The following TOM1L2 variants were observed in gnomAD, a reference collection of about 807,000 sequenced individuals.
TOM1L2 encodes the protein TOM1-like protein 2.
TOM1L2 carries 31 observed loss-of-function variants against 67.9 expected under a neutral mutation model. That is an observed-to-expected ratio of 0.46 (90% CI 0.34 to 0.62). The LOEUF is 0.62. Among genes scored for constraint, TOM1L2 ranks in the 20% least tolerant of loss-of-function variants. The pLI, the probability that TOM1L2 is intolerant of heterozygous loss-of-function variation, is 0.01. For missense variants in TOM1L2, 606 were observed against 663.5 expected, an observed-to-expected ratio of 0.91 and a Z score of 0.95; for synonymous variants, 256 against 254.0, an observed-to-expected ratio of 1.01 and a Z score of -0.07.
intron 1 of TOM1L2, among the ~76,000 whole-genome samples, chr17:17,952,566 A>C (rs2041257944): frequency 6.6e-6 from 1 of 150,934 alleles, no homozygotes; most frequent in Admixed American, 6.6e-5. Flanking sequence ...TAAGTTTTTA[A>C]ATATTCTTTG....
At chr17:17,934,184 G>A (rs1326837901) in intron 1 of TOM1L2, among the ~76,000 whole-genome samples, 1 of 152,164 alleles carries the variant, frequency 6.6e-6, no homozygotes, top group Non-Finnish European at 1.5e-5. Context: ...TTTTCAAAGT[G>A]CTCCAATCCC....
At chr17:17,893,572 C>A in intron 4 of TOM1L2, 89 bp downstream of exon 4, 1 of 1,189,238 alleles carries the variant, frequency 8.4e-7, no homozygotes, top group South Asian at 1.9e-5. Flanking sequence ...TTTTTTTTTT[C>A]CTCCAAATGG....
intron 1 of TOM1L2, among the ~76,000 whole-genome samples, chr17:17,912,963 C>T (rs1020008749): frequency 2.6e-4 from 39 of 152,334 alleles, no homozygotes; most frequent in African/African-American, 8.9e-4. Context: ...GCTGGCGGAT[C>T]GCTCGCGGTT....
At chr17:17,905,737 C>T (rs2039063839) in intron 2 of TOM1L2, among the ~76,000 whole-genome samples, 1 of 152,076 alleles carries the variant, frequency 6.6e-6, no homozygotes, top group Admixed American at 6.6e-5. Context: ...CTTGGCCTGC[C>T]CCCAGTCAGG....
intron 1 of TOM1L2, among the ~76,000 whole-genome samples, chr17:17,920,290 C>T (rs889633465): frequency 4.1e-5 from 6 of 148,006 alleles, no homozygotes; most frequent in African/African-American, 7.5e-5. Flanking sequence ...AAAGATAGAA[C>T]AGAGTTCTCA....
chr17:17,889,157 G>A (rs894741729), intron 4 of TOM1L2, among the ~76,000 whole-genome samples: 3 of 152,176 alleles, frequency 2.0e-5, no homozygotes, highest in South Asian at 2.1e-4. Flanking sequence ...GTCTTTTGGC[G>A]GGTTGAGGGG....
At chr17:17,898,748 A>G in intron 2 of TOM1L2, 74 bp from the exon 3 acceptor site, 10 of 1,449,710 alleles carry the variant, frequency 6.9e-6, no homozygotes, top group Non-Finnish European at 7.7e-6. Flanking sequence ...TATGTGAACT[A>G]GTATATATGC....
At chr17:17,865,869 C>T (rs1598211761) in intron 10 of TOM1L2, among the ~76,000 whole-genome samples, 3 of 151,188 alleles carry the variant, frequency 2.0e-5, no homozygotes, top group South Asian at 2.1e-4. Flanking sequence ...CGCAGCCTCC[C>T]GAGTAGTTGG....
intron 5 of TOM1L2, 87 bp from the exon 6 acceptor site, chr17:17,882,950 C>T (rs1383689266): frequency 3.3e-6 from 5 of 1,504,228 alleles, no homozygotes; most frequent in Non-Finnish European, 4.6e-6. Flanking sequence ...GCAGCACTTC[C>T]CCAAGGCTGC....
At chr17:17,854,529 A>G (rs2036161980) in intron 12 of TOM1L2, among the ~76,000 whole-genome samples, 1 of 151,610 alleles carries the variant, frequency 6.6e-6, no homozygotes, top group Non-Finnish European at 1.5e-5. Context: ...TTATTTAATT[A>G]ATTAATTTAT....
chr17:17,850,786 G>C, intron 13 of TOM1L2, 107 bp downstream of exon 13: 6 of 1,236,932 alleles, frequency 4.9e-6, no homozygotes, highest in Non-Finnish European at 7.1e-6. Context: ...CTTCTCCACT[G>C]ACCCAGACAG....
intron 12 of TOM1L2, among the ~76,000 whole-genome samples, chr17:17,856,541 G>A (rs1046140362): frequency 2.0e-5 from 3 of 152,238 alleles, no homozygotes; most frequent in Non-Finnish European, 4.4e-5. Flanking sequence ...TCAAGCAGGT[G>A]GACCCTGTGC....
intron 4 of TOM1L2, among the ~76,000 whole-genome samples, chr17:17,885,474 G>A (rs2037947025): frequency 1.3e-5 from 2 of 152,170 alleles, no homozygotes; most frequent in Admixed American, 6.5e-5. Context: ...CATGATGTCC[G>A]CTGCCAAAAA....
intron 14 of TOM1L2, among the ~76,000 whole-genome samples, chr17:17,848,598 T>C (rs933530514): frequency 6.6e-6 from 1 of 152,250 alleles, no homozygotes; most frequent in African/African-American, 2.4e-5. Context: ...CTTTGTGGAA[T>C]TGACATGTTC....
intron 1 of TOM1L2, among the ~76,000 whole-genome samples, chr17:17,926,524 C>T (rs149516604): frequency 5.3e-5 from 8 of 152,234 alleles, no homozygotes; most frequent in East Asian, 1.9e-4. Context: ...AGAAAGGTCA[C>T]GAATATCAAC....
intron 14 of TOM1L2, 73 bp from the exon 15 acceptor site, chr17:17,847,856 C>T: frequency 6.3e-7 from 1 of 1,599,466 alleles, no homozygotes; most frequent in Admixed American, 1.7e-5. Context: ...CCTTCCACTC[C>T]CCAGCCCGTT....
At chr17:17,956,663 G>A (rs935670057) in intron 1 of TOM1L2, among the ~76,000 whole-genome samples, 2 of 152,246 alleles carry the variant, frequency 1.3e-5, no homozygotes, top group African/African-American at 4.8e-5. Flanking sequence ...GACCCGGCGA[G>A]AATTCCAGCA....
intron 1 of TOM1L2, among the ~76,000 whole-genome samples, chr17:17,950,947 T>C (rs867732553): frequency 1.3e-5 from 2 of 152,276 alleles, no homozygotes; most frequent in Middle Eastern, 3.4e-3. Context: ...TGGTGGCCTA[T>C]GGGCAGGGAG....
At chr17:17,967,347 A>G (rs2041909712) in intron 1 of TOM1L2, among the ~76,000 whole-genome samples, 1 of 152,188 alleles carries the variant, frequency 6.6e-6, no homozygotes, top group Non-Finnish European at 1.5e-5. Context: ...TTTGAATCTA[A>G]ACTTTACTCT....
Sources: allele counts gnomAD v4.1 joint callset (sites outside exome capture counted in the v4.1 genomes callset), GRCh38; gene constraint gnomAD v4.1.1; transcripts MANE v1.5; gene names NCBI Gene and HGNC (gene_info 2026-07-23, HGNC 2026-07-21).